The following PARVB variants were observed in gnomAD, a reference collection of about 807,000 sequenced individuals.
The protein encoded by PARVB is beta-parvin.
PARVB carries 46 observed loss-of-function variants against 47.0 expected under a neutral mutation model. That is an observed-to-expected ratio of 0.98 (90% CI 0.77 to 1.25). The LOEUF (loss-of-function observed/expected upper bound fraction) is 1.25, where lower values mean the gene tolerates loss of function less well. Ranked by LOEUF, PARVB falls within the 50% of genes most tolerant of loss-of-function variation. The pLI, the probability that PARVB is intolerant of heterozygous loss-of-function variation, is 0.00. For synonymous variants in PARVB, 196 were observed against 196.3 expected, an observed-to-expected ratio of 1.00 and a Z score of 0.01; for missense variants, 473 against 471.6, an observed-to-expected ratio of 1.00 and a Z score of -0.03.
At chr22:44,009,941 G>A (rs1048047853) in intron 2 of PARVB, among the ~76,000 whole-genome samples, 19 of 151,384 alleles carry the variant, frequency 1.3e-4, no homozygotes, top group Non-Finnish European at 2.5e-4. Flanking sequence ...CGAGTAGCTG[G>A]GATTACAGGT....
chr22:44,021,931 C>T (rs6006620), upstream of PARVB, among the ~76,000 whole-genome samples: 13 of 152,072 alleles, frequency 8.5e-5, no homozygotes, highest in Admixed American at 2.0e-4. Flanking sequence ...CAGATTTGCC[C>T]GTGCAGCCTC....
Position 44,012,864 on chromosome 22 carries a change from A to G in PARVB, c.211+13191A>G, listed in dbSNP as rs200175365. Among the ~76,000 whole-genome samples, 7 of 151,492 alleles carry G rather than the reference A, an allele frequency of 4.6e-5. 1 individual carries two copies. The East Asian group carries it at 1.4e-3, about 30-fold the overall frequency. Reference sequence around the variant, plus strand: ...TTTTTAGTTCTATTAAAGAGAAGTGAAAGAAAGCTGACAAGCTTTATTTAT... The same window carrying G: ...TTTTTAGTTCTATTAAAGAGAAGTGGAAGAAAGCTGACAAGCTTTATTTAT... On this transcript the variant is annotated intron_variant, in intron 2 of 13. Coordinates refer to the PARVB transcript ENST00000406477.
At position 44,168,586 on chromosome 22, in the gene PARVB, C is replaced by T. The variant is rs540863489; in HGVS notation, c.1019-16C>T. 24 of 1,594,984 alleles carry T rather than the reference C, an allele frequency of 1.5e-5. No homozygotes were observed. In the Middle Eastern group the frequency reaches 8.3e-4, roughly 55 times the overall value. ...AGGATGGCACGCCTCTGAAGTTTCTCTGTTTCCTTCTGCAGACGTGGTTAA... is the reference window on the plus strand; with the variant it reads ...AGGATGGCACGCCTCTGAAGTTTCTTTGTTTCCTTCTGCAGACGTGGTTAA... On this transcript the variant is annotated splice_polypyrimidine_tract_variant and intron_variant, in intron 12 of 12. Coordinates refer to ENST00000338758, the MANE Select transcript of PARVB (RefSeq NM_013327.5).
At chr22:44,140,096 A>G in intron 7 of PARVB, 28 bp from the exon 8 acceptor site, 2 of 1,240,002 alleles carry the variant, frequency 1.6e-6, no homozygotes, top group Non-Finnish European at 2.1e-6. Flanking sequence ...GACCCATCTC[A>G]TGGCTCTCTC....
intron 1 of PARVB, among the ~76,000 whole-genome samples, chr22:44,048,954 T>A (rs2051160937): frequency 6.6e-6 from 1 of 152,114 alleles, no homozygotes; most frequent in South Asian, 2.1e-4. Context: ...CCTCCTAAAA[T>A]GCTGGGATTA....
intron 2 of PARVB, among the ~76,000 whole-genome samples, chr22:44,099,299 T>A (rs1250624642): frequency 6.6e-6 from 1 of 152,190 alleles, no homozygotes; most frequent in Non-Finnish European, 1.5e-5. Context: ...CGCTGGCTTC[T>A]GTGTGGTGCT....
rs944159375 is a variant in PARVB, at chr22:44,075,116, G to A, written c.113-18812G>A. 1.1e-4 allele frequency among the ~76,000 whole-genome samples: 17 copies of A among 152,246 alleles called. 1 individual carries two copies. Among genetic ancestry groups the A allele is most frequent in the Non-Finnish European group, 2.1e-4 (14 of 68,002 alleles). Reference sequence around the variant, plus strand: ...CTCCCAGTGTGGGGGTGGAGGAATCGTCCCCAGTTGAGATCCGCTGAGCTG... The same window carrying A: ...CTCCCAGTGTGGGGGTGGAGGAATCATCCCCAGTTGAGATCCGCTGAGCTG... On this transcript the variant is annotated intron_variant, in intron 1 of 12. Coordinates refer to ENST00000338758, the MANE Select transcript of PARVB (RefSeq NM_013327.5).
At chr22:44,037,123 A>G (rs1042246231) in intron 1 of PARVB, among the ~76,000 whole-genome samples, 1 of 151,658 alleles carries the variant, frequency 6.6e-6, no homozygotes, top group African/African-American at 2.4e-5. Flanking sequence ...GGAGTTTGAG[A>G]CTAGCCTGGG....
chr22:44,081,544 G>A (rs2051900390), intron 1 of PARVB: 1 of 953,022 alleles, frequency 1.0e-6, no homozygotes, highest in Non-Finnish European at 1.2e-6. Flanking sequence ...TAATTAATAC[G>A]AGTTTCACAA....
chr22:44,085,078 G>C (rs973006417), intron 1 of PARVB, among the ~76,000 whole-genome samples: 1 of 152,032 alleles, frequency 6.6e-6, no homozygotes, highest in African/African-American at 2.4e-5. Context: ...TGTGAATTTT[G>C]ATACGTACAC....
In PARVB at chr22:44,171,907, C is replaced by T. The variant is rs2054273172; in HGVS notation, c.*3229C>T. On this transcript the variant is annotated 3_prime_UTR_variant, in exon 13 of 13. Coordinates refer to ENST00000338758, the MANE Select transcript of PARVB (RefSeq NM_013327.5). Reference sequence around the variant, plus strand: ...TCACAGACACACACATAGCAGACTACAGACTACAGCCTTGAACTCCTGGGC... The same window carrying T: ...TCACAGACACACACATAGCAGACTATAGACTACAGCCTTGAACTCCTGGGC... 2 of 149,560 alleles carry T rather than the reference C, an allele frequency of 1.3e-5. No homozygotes were observed. The highest frequency in any genetic ancestry group is 5.0e-5 in the African/African-American group (2 of 40,218). 9.3% of individuals were successfully genotyped at this position (149,560 alleles called of 1,614,324 possible).
chr22:44,074,977 T>G (rs1275218107), intron 1 of PARVB, among the ~76,000 whole-genome samples: 2 of 152,120 alleles, frequency 1.3e-5, no homozygotes, highest in Non-Finnish European at 2.9e-5. Context: ...CACTGAGGAT[T>G]CTTGGTTGTG....
chr22:44,083,893 A>G (rs2051965569), intron 1 of PARVB, among the ~76,000 whole-genome samples: 1 of 152,182 alleles, frequency 6.6e-6, no homozygotes, highest in Admixed American at 6.5e-5. Flanking sequence ...TTGGTTTGCA[A>G]AGGACAGAAA....
intron 1 of PARVB, among the ~76,000 whole-genome samples, chr22:44,052,424 T>C (rs1185685518): frequency 6.6e-6 from 1 of 152,222 alleles, no homozygotes; most frequent in African/African-American, 2.4e-5. Flanking sequence ...GTTCCTGATA[T>C]CACCCCAGTG....
intron 10 of PARVB, among the ~76,000 whole-genome samples, chr22:44,157,126 A>C (rs5764571): frequency 0.17 from 25,492 of 152,242 alleles, 2,506 homozygotes; most frequent in South Asian, 0.32. Context: ...TACCATGTTG[A>C]ATAGCAGCTC....
intron 1 of PARVB, among the ~76,000 whole-genome samples, chr22:44,043,813 A>G (rs998729065): frequency 6.6e-6 from 1 of 152,146 alleles, no homozygotes; most frequent in Admixed American, 6.6e-5. Flanking sequence ...TATTCGTTGC[A>G]TGTTTCCAAG....
At chr22:44,043,464 C>T (rs977079340) in intron 1 of PARVB, among the ~76,000 whole-genome samples, 7 of 152,036 alleles carry the variant, frequency 4.6e-5, no homozygotes, top group Non-Finnish European at 7.4e-5. Context: ...CTGCAAGCTC[C>T]GCCTCCCGGG....
chr22:44,047,603 G>A (rs1216184007), intron 1 of PARVB, among the ~76,000 whole-genome samples: 1 of 152,168 alleles, frequency 6.6e-6, no homozygotes, highest in Non-Finnish European at 1.5e-5. Flanking sequence ...GGAGTTTGCA[G>A]TGAGCTGAAA....
chr22:44,050,131 C>T (rs961285925), intron 1 of PARVB, among the ~76,000 whole-genome samples: 9 of 152,178 alleles, frequency 5.9e-5, no homozygotes, highest in Admixed American at 4.6e-4. Context: ...GGCAGAGTCT[C>T]GTTGGCGGCT....
Sources: allele counts gnomAD v4.1 joint callset (sites outside exome capture counted in the v4.1 genomes callset), GRCh38; gene constraint gnomAD v4.1.1; transcripts MANE v1.5; gene names NCBI Gene and HGNC (gene_info 2026-07-23, HGNC 2026-07-21).